Variants in THSD7B observed in about 807,000 individuals in gnomAD.
THSD7B encodes thrombospondin type-1 domain-containing protein 7B.
In THSD7B, 138 loss-of-function variants were observed where a neutral mutation model predicts 213.6. The ratio of observed to expected loss-of-function variants is 0.65; its 90% CI spans 0.56 to 0.74. The LOEUF (loss-of-function observed/expected upper bound fraction) is 0.74, where lower values mean the gene tolerates loss of function less well. Ranked by LOEUF, THSD7B falls within the 30% of genes least tolerant of loss-of-function variation. The probability of loss-of-function intolerance (pLI) is 0.00; values close to 1 mark genes in which losing one functional copy is unlikely to be tolerated. For missense variants in THSD7B, 1,931 were observed against 1,991.5 expected (o/e 0.97, Z 0.58); for synonymous variants, 742 against 687.0 (o/e 1.08, Z -1.25).
intron 1 of THSD7B, among the ~76,000 whole-genome samples, chr2:136,777,976 T>A (rs555010916): frequency 2.6e-5 from 4 of 152,218 alleles, no homozygotes; most frequent in Non-Finnish European, 5.9e-5. Context: ...AAGGAATGCA[T>A]AAAGATGAAC....
intron 15 of THSD7B, among the ~76,000 whole-genome samples, chr2:137,550,184 A>G (rs1227626328): frequency 6.6e-6 from 1 of 151,962 alleles, no homozygotes; most frequent in Non-Finnish European, 1.5e-5. Context: ...TTACAGTTCA[A>G]CTTACCCCAA....
At chr2:137,237,309 A>G (rs919143754) in intron 9 of THSD7B, among the ~76,000 whole-genome samples, 2 of 152,216 alleles carry the variant, frequency 1.3e-5, no homozygotes, top group Non-Finnish European at 2.9e-5. Context: ...GCAAGGGGCC[A>G]TGTATGCTTA....
At chr2:137,480,353 A>G (rs943594811) in intron 15 of THSD7B, among the ~76,000 whole-genome samples, 2 of 152,220 alleles carry the variant, frequency 1.3e-5, no homozygotes, top group Non-Finnish European at 2.9e-5. Context: ...AGAATTTTCA[A>G]TCATGGCTAT....
intron 2 of THSD7B, among the ~76,000 whole-genome samples, chr2:137,027,525 G>A (rs190141578): frequency 6.6e-6 from 1 of 152,268 alleles, no homozygotes; most frequent in Admixed American, 6.5e-5. Context: ...ATATGCATGA[G>A]GAGCTGAAAC....
intron 27 of THSD7B, among the ~76,000 whole-genome samples, chr2:137,673,280 C>A (rs1466834737): frequency 6.6e-6 from 1 of 152,136 alleles, no homozygotes; most frequent in Non-Finnish European, 1.5e-5. Context: ...ATGTGTCTGC[C>A]AGTGATCTTT....
At chr2:136,931,998 T>G (rs1157115367) in intron 2 of THSD7B, among the ~76,000 whole-genome samples, 7 of 152,184 alleles carry the variant, frequency 4.6e-5, no homozygotes, top group Admixed American at 4.6e-4. Flanking sequence ...ATTTAAAAAA[T>G]TATATTTAAC....
chr2:137,255,019 A>G (rs1287124577), intron 10 of THSD7B, among the ~76,000 whole-genome samples: 1 of 152,142 alleles, frequency 6.6e-6, no homozygotes, highest in African/African-American at 2.4e-5. Flanking sequence ...TATTCTTGCA[A>G]TGTAAACATG....
At chr2:137,528,760 A>G (rs1360522685) in intron 15 of THSD7B, among the ~76,000 whole-genome samples, 1 of 152,086 alleles carries the variant, frequency 6.6e-6, no homozygotes, top group Non-Finnish European at 1.5e-5. Flanking sequence ...TGTTGAAAAT[A>G]AAAATTCCAA....
At chr2:137,203,082 C>T (rs949864028) in intron 7 of THSD7B, among the ~76,000 whole-genome samples, 6 of 151,482 alleles carry the variant, frequency 4.0e-5, no homozygotes, top group African/African-American at 7.3e-5. Flanking sequence ...TAGTTGTTCT[C>T]GGTGTGATTG....
At chr2:137,183,289 A>G (rs1353808188) in intron 7 of THSD7B, among the ~76,000 whole-genome samples, 2 of 152,146 alleles carry the variant, frequency 1.3e-5, no homozygotes, top group African/African-American at 4.8e-5. Context: ...TCACATAACC[A>G]TAGTTCAATG....
chr2:137,123,769 CT>C (rs752796585), intron 5 of THSD7B, among the ~76,000 whole-genome samples: 6 of 152,078 alleles, frequency 3.9e-5, no homozygotes, highest in Admixed American at 2.0e-4. Context: ...ATTTCTTTCT[CT>C]TTTTTCTCCC....
chr2:137,321,901 G>A (rs1268891183), intron 12 of THSD7B, among the ~76,000 whole-genome samples: 1 of 151,760 alleles, frequency 6.6e-6, no homozygotes, highest in Non-Finnish European at 1.5e-5. Context: ...CAGGAAAGCA[G>A]CATCAGCTAT....
At chr2:137,289,767 A>G (rs992387659) in intron 12 of THSD7B, among the ~76,000 whole-genome samples, 2 of 152,070 alleles carry the variant, frequency 1.3e-5, no homozygotes, top group African/African-American at 4.8e-5. Context: ...GAGTGATGAT[A>G]GGACCACCCT....
intron 15 of THSD7B, among the ~76,000 whole-genome samples, chr2:137,474,070 C>G (rs533321677): frequency 5.2e-4 from 79 of 152,238 alleles, no homozygotes; most frequent in African/African-American, 1.8e-3. Context: ...CAATCTTATG[C>G]TTTTCACTTT....
intron 12 of THSD7B, among the ~76,000 whole-genome samples, chr2:137,331,752 C>T (rs527993366): frequency 1.3e-5 from 2 of 152,280 alleles, no homozygotes; most frequent in African/African-American, 4.8e-5. Context: ...AGCCCTGCCC[C>T]GAGGGAAGGC....
chr2:137,060,791 C>A (rs1486601409), intron 3 of THSD7B, among the ~76,000 whole-genome samples: 1 of 151,834 alleles, frequency 6.6e-6, no homozygotes. Context: ...AGAGAAGTGT[C>A]AGTCTTCCTA....
intron 20 of THSD7B, 194 bp from the exon 21 acceptor site, chr2:137,642,294 A>T: frequency 1.7e-6 from 1 of 579,446 alleles, no homozygotes; most frequent in Non-Finnish European, 2.9e-6. Flanking sequence ...CAGATCCTTT[A>T]AGCATTGTGA....
chr2:136,805,747 A>G (rs1342547659), intron 1 of THSD7B, among the ~76,000 whole-genome samples: 1 of 152,082 alleles, frequency 6.6e-6, no homozygotes, highest in Non-Finnish European at 1.5e-5. Flanking sequence ...TTTAATTCCC[A>G]TGGTTTTGTC....
intron 12 of THSD7B, among the ~76,000 whole-genome samples, chr2:137,351,735 G>A (rs899349704): frequency 6.6e-6 from 1 of 151,844 alleles, no homozygotes; most frequent in African/African-American, 2.4e-5. Context: ...AGACAACCAG[G>A]GGATGAAAGG....
Sources: allele counts gnomAD v4.1 joint callset (sites outside exome capture counted in the v4.1 genomes callset), GRCh38; gene constraint gnomAD v4.1.1; transcripts MANE v1.5; gene names NCBI Gene and HGNC (gene_info 2026-07-23, HGNC 2026-07-21).